Variants in CNBD1 observed in about 807,000 individuals in gnomAD.
CNBD1 encodes the protein cyclic nucleotide binding domain containing 1.
CNBD1 carries 71 observed loss-of-function variants against 54.4 expected under a neutral mutation model. The observed-to-expected ratio is 1.30, with a 90% confidence interval of 1.08 to 1.59. The LOEUF is 1.59. CNBD1 is among the 40% of genes most tolerant of loss of function. The pLI is 0.00. For synonymous variants in CNBD1, 182 were observed against 170.7 expected, an observed-to-expected ratio of 1.07 and a Z score of -0.51; for missense variants, 659 against 518.0, an observed-to-expected ratio of 1.27 and a Z score of -2.64.
At chr8:87,080,610 T>C (rs1190714706) in intron 4 of CNBD1, among the ~76,000 whole-genome samples, 1 of 152,212 alleles carries the variant, frequency 6.6e-6, no homozygotes, top group East Asian at 1.9e-4. Flanking sequence ...CCTTTTACTT[T>C]CTGCAAATGA....
downstream of CNBD1, among the ~76,000 whole-genome samples, chr8:87,384,597 G>A (rs1300780208): frequency 6.6e-6 from 1 of 152,120 alleles, no homozygotes; most frequent in Admixed American, 6.6e-5. Context: ...CTTTAACTCT[G>A]AAAGACTAAC....
At chr8:87,107,618 C>T (rs578231381) in intron 4 of CNBD1, among the ~76,000 whole-genome samples, 2 of 152,216 alleles carry the variant, frequency 1.3e-5, no homozygotes, top group Non-Finnish European at 2.9e-5. Flanking sequence ...TCACATTGCT[C>T]TAGTATATCC....
At chr8:87,364,137 T>A (rs183000355) in intron 10 of CNBD1, among the ~76,000 whole-genome samples, 1 of 151,978 alleles carries the variant, frequency 6.6e-6, no homozygotes, top group Non-Finnish European at 1.5e-5. Flanking sequence ...AGCTAAACAT[T>A]TTGAACATCT....
chr8:87,236,128 G>GTT (rs1807580539), intron 5 of CNBD1, among the ~76,000 whole-genome samples: 1 of 152,066 alleles, frequency 6.6e-6, no homozygotes, highest in Non-Finnish European at 1.5e-5. Flanking sequence ...TAAGCAAAGT[G>GTT]TAAGAAAATA....
At chr8:87,247,430 T>C (rs994649148) in intron 6 of CNBD1, among the ~76,000 whole-genome samples, 4 of 152,146 alleles carry the variant, frequency 2.6e-5, no homozygotes, top group Non-Finnish European at 5.9e-5. Flanking sequence ...ATGTCAGAAA[T>C]CCCAATGTTC....
chr8:87,286,435 T>C (rs1808699466), intron 7 of CNBD1, 104 bp from the exon 8 acceptor site: 3 of 668,360 alleles, frequency 4.5e-6, no homozygotes, highest in Non-Finnish European at 7.6e-6. Flanking sequence ...CTAACTTATA[T>C]TCATATGGCC....
At chr8:87,042,688 A>C (rs1186543136) in intron 4 of CNBD1, among the ~76,000 whole-genome samples, 1 of 152,168 alleles carries the variant, frequency 6.6e-6, no homozygotes, top group African/African-American at 2.4e-5. Context: ...ATCTGTTTTC[A>C]GAGCAAAAAG....
At chr8:87,207,168 ATTGCT>A (rs1181476278) in intron 5 of CNBD1, among the ~76,000 whole-genome samples, 2 of 152,268 alleles carry the variant, frequency 1.3e-5, no homozygotes, top group Non-Finnish European at 2.9e-5. Context: ...AACATTCAAC[ATTGCT>A]TTGCTATTAG....
intron 6 of CNBD1, among the ~76,000 whole-genome samples, chr8:87,258,348 C>T (rs771463695): frequency 6.6e-6 from 1 of 152,036 alleles, no homozygotes; most frequent in Non-Finnish European, 1.5e-5. Context: ...TGCAAGCAGT[C>T]TGTCTTTTGT....
intron 10 of CNBD1, among the ~76,000 whole-genome samples, chr8:87,374,418 G>C (rs1262922315): frequency 6.6e-6 from 1 of 151,798 alleles, no homozygotes; most frequent in Non-Finnish European, 1.5e-5. Flanking sequence ...ATTTAAGATA[G>C]TTCCTTAAAT....
At chr8:87,371,932 C>A (rs1171679133) in intron 10 of CNBD1, among the ~76,000 whole-genome samples, 2 of 151,806 alleles carry the variant, frequency 1.3e-5, no homozygotes, top group Non-Finnish European at 2.9e-5. Context: ...TGGCACAAGA[C>A]AGGGACGCCC....
intron 4 of CNBD1, among the ~76,000 whole-genome samples, chr8:87,031,337 A>T (rs1313427333): frequency 1.3e-5 from 2 of 152,188 alleles, no homozygotes; most frequent in East Asian, 3.9e-4. Flanking sequence ...TGTGTGCAAC[A>T]TTGCTTTCAT....
chr8:87,321,377 T>C (rs1257790719), intron 8 of CNBD1, among the ~76,000 whole-genome samples: 2 of 152,202 alleles, frequency 1.3e-5, no homozygotes, highest in East Asian at 1.9e-4. Context: ...GTTTGTTTGA[T>C]TGTGGCCATC....
intron 4 of CNBD1, among the ~76,000 whole-genome samples, chr8:86,992,236 T>TA (rs1039179980): frequency 1.3e-5 from 2 of 152,098 alleles, no homozygotes; most frequent in African/African-American, 4.8e-5. Context: ...TCTTTTTTTT[T>TA]AAAATTATAC....
intron 10 of CNBD1, among the ~76,000 whole-genome samples, chr8:87,375,211 T>A (rs902420348): frequency 2.0e-5 from 3 of 151,836 alleles, no homozygotes; most frequent in African/African-American, 7.3e-5. Context: ...TTGTAATTAA[T>A]GCACTTTCAC....
At chr8:87,169,122 CTG>C (rs1300432317) in intron 4 of CNBD1, among the ~76,000 whole-genome samples, 1 of 152,018 alleles carries the variant, frequency 6.6e-6, no homozygotes, top group Non-Finnish European at 1.5e-5. Context: ...GCCATTTTAA[CTG>C]GGGTGAGGTG....
At chr8:86,923,123 G>A (rs1809302106) in intron 3 of CNBD1, among the ~76,000 whole-genome samples, 1 of 152,160 alleles carries the variant, frequency 6.6e-6, no homozygotes, top group Non-Finnish European at 1.5e-5. Context: ...AACAGCGAAG[G>A]CAGTGATTTA....
intron 2 of CNBD1, among the ~76,000 whole-genome samples, chr8:86,889,675 G>T (rs1403507616): frequency 4.6e-5 from 7 of 152,118 alleles, no homozygotes; most frequent in African/African-American, 1.4e-4. Flanking sequence ...TAACAAAGGG[G>T]GGATGATATC....
intron 8 of CNBD1, among the ~76,000 whole-genome samples, chr8:87,306,738 C>A (rs1328353734): frequency 6.6e-6 from 1 of 150,780 alleles, no homozygotes; most frequent in African/African-American, 2.4e-5. Context: ...AAGAATGACA[C>A]AATGGACTTT....
Sources: allele counts gnomAD v4.1 joint callset (sites outside exome capture counted in the v4.1 genomes callset), GRCh38; gene constraint gnomAD v4.1.1; transcripts MANE v1.5; gene names NCBI Gene and HGNC (gene_info 2026-07-23, HGNC 2026-07-21).